Variants in CNOT4 observed in about 807,000 individuals in gnomAD.
The protein encoded by CNOT4 is CCR4-associated factor 4.
A neutral mutation model predicts 73.8 loss-of-function variants in CNOT4; 8 were observed. The observed-to-expected ratio is 0.11, with a 90% CI of 0.06 to 0.20. The LOEUF (loss-of-function observed/expected upper bound fraction) is 0.20, where lower values mean the gene tolerates loss of function less well. Among genes scored for constraint, CNOT4 ranks in the 10% least tolerant of loss-of-function variants. The pLI is 1.00. For synonymous variants in CNOT4, 293 were observed against 321.1 expected, an observed-to-expected ratio of 0.91 and a Z score of 0.94; for missense variants, 564 against 883.4, an observed-to-expected ratio of 0.64 and a Z score of 4.58.
Position 135,414,381 on chromosome 7 carries a change from T to G in CNOT4, c.511A>C (p.Arg171=). ...ACATTGTTGACACACTGTATGGCTC[T>G]GAGAGCGTCTTCTGACCGGATATAG... is the stretch of plus-strand genomic sequence containing the variant. ...VTYIRSEDAL[R]AIQCVNNVVV... The change falls in exon 5 of 12, where the codon AGA becomes CGA. Residue 171 remains arginine, a synonymous_variant. Coordinates refer to ENST00000541284, the MANE Select transcript of CNOT4 (RefSeq NM_001190850.2). 1.3e-6 allele frequency: 2 copies of G among 1,566,744 alleles called. No individual in the cohort carries two copies. The highest frequency in any genetic ancestry group is 1.8e-6 in the Non-Finnish European group (2 of 1,138,434).
At chr7:135,418,123 T>C (rs1189298155) in intron 3 of CNOT4, among the ~76,000 whole-genome samples, 1 of 152,188 alleles carries the variant, frequency 6.6e-6, no homozygotes. Context: ...CAAAAAGAAT[T>C]ACACGGATTT....
chr7:135,463,076 C>T (rs1386133030), intron 1 of CNOT4, among the ~76,000 whole-genome samples: 3 of 152,170 alleles, frequency 2.0e-5, no homozygotes, highest in Non-Finnish European at 2.9e-5. Flanking sequence ...TATTCTGTTC[C>T]ATTGGTCTAT....
At chr7:135,504,462 A>ATTTTTTTTTTTT (rs34100799) in intron 1 of CNOT4, among the ~76,000 whole-genome samples, 7 of 55,942 alleles carry the variant, frequency 1.3e-4, no homozygotes, top group Non-Finnish European at 1.2e-4. Context: ...CATCCGGCTA[A>ATTTTTTTTTTTT]TTTTTTTTTT....
intron 1 of CNOT4, among the ~76,000 whole-genome samples, chr7:135,488,077 A>C (rs984971671): frequency 6.6e-6 from 1 of 152,150 alleles, no homozygotes; most frequent in African/African-American, 2.4e-5. Context: ...TCAAAGAAGA[A>C]AAAAAAGAAA....
intron 10 of CNOT4, chr7:135,388,060 A>T: frequency 1.0e-6 from 1 of 985,444 alleles, no homozygotes; most frequent in African/African-American, 1.7e-5. Context: ...AGATAAGTCA[A>T]CTATAAACTG....
chr7:135,412,951 T>A (rs1797659064), intron 6 of CNOT4, among the ~76,000 whole-genome samples: 1 of 152,044 alleles, frequency 6.6e-6, no homozygotes, highest in East Asian at 1.9e-4. Flanking sequence ...AAGCCTTCAA[T>A]TCACCCTTTA....
At position 135,498,432 on chromosome 7, in the gene CNOT4, G is replaced by A. The variant is rs547349595; in HGVS notation, c.-93+11457C>T. Among the ~76,000 whole-genome samples the A allele has an allele frequency of 2.0e-5, 3 of 152,258 alleles. No individual in the cohort carries two copies. In the East Asian group the frequency reaches 5.8e-4, roughly 29 times the overall value. On this transcript the variant is annotated intron_variant, in intron 1 of 11. Coordinates refer to ENST00000541284, the MANE Select transcript of CNOT4 (RefSeq NM_001190850.2). ...TGCTAGGCATGACAAAGAATATATG[G>A]TGACACAGGTCTAACTTGTGTTCTT...
intron 1 of CNOT4, among the ~76,000 whole-genome samples, chr7:135,492,020 T>C (rs1337785111): frequency 6.6e-6 from 1 of 152,156 alleles, no homozygotes; most frequent in Non-Finnish European, 1.5e-5. Flanking sequence ...AATACATACA[T>C]GTGGTGGCAG....
At chr7:135,383,611 T>C (rs1795960353) in intron 10 of CNOT4, among the ~76,000 whole-genome samples, 1 of 152,206 alleles carries the variant, frequency 6.6e-6, no homozygotes, top group African/African-American at 2.4e-5. Flanking sequence ...CCTACACTCA[T>C]GAAAAGACTG....
At chr7:135,467,140 C>T (rs1011462765) in intron 1 of CNOT4, among the ~76,000 whole-genome samples, 20 of 152,244 alleles carry the variant, frequency 1.3e-4, no homozygotes, top group African/African-American at 4.8e-4. Context: ...TACTATGTAT[C>T]AGACATAATA....
At chr7:135,432,681 C>T (rs1035715162) in intron 2 of CNOT4, among the ~76,000 whole-genome samples, 13 of 152,040 alleles carry the variant, frequency 8.6e-5, no homozygotes, top group Admixed American at 5.2e-4. Flanking sequence ...TTCTTTATTC[C>T]TTCATGTTGG....
At chr7:135,472,999 C>T (rs1801736923) in intron 1 of CNOT4, among the ~76,000 whole-genome samples, 1 of 151,808 alleles carries the variant, frequency 6.6e-6, no homozygotes, top group South Asian at 2.1e-4. Context: ...TATGATCATG[C>T]CACTACACTC....
At chr7:135,481,428 G>T (rs1049687649) in intron 1 of CNOT4, among the ~76,000 whole-genome samples, 2 of 151,860 alleles carry the variant, frequency 1.3e-5, no homozygotes, top group African/African-American at 4.8e-5. Context: ...TAAAACACAC[G>T]GACACACACA....
chr7:135,471,657 G>T (rs1454944579), intron 1 of CNOT4, among the ~76,000 whole-genome samples: 1 of 152,152 alleles, frequency 6.6e-6, no homozygotes, highest in African/African-American at 2.4e-5. Context: ...TTATCAGCTG[G>T]TCGGAGATAA....
chr7:135,426,503 T>A (rs1228624781), intron 2 of CNOT4, among the ~76,000 whole-genome samples: 3 of 149,526 alleles, frequency 2.0e-5, no homozygotes, highest in Non-Finnish European at 1.5e-5. Context: ...CTCAGAAGGC[T>A]GGAGCAGGAG....
intron 1 of CNOT4, among the ~76,000 whole-genome samples, chr7:135,498,074 G>A (rs1184564147): frequency 6.6e-6 from 1 of 152,074 alleles, no homozygotes; most frequent in African/African-American, 2.4e-5. Flanking sequence ...AGGAAGCTGA[G>A]TCCCAAAGAC....
intron 1 of CNOT4, among the ~76,000 whole-genome samples, chr7:135,459,822 T>A (rs1800764315): frequency 6.6e-6 from 1 of 152,200 alleles, no homozygotes; most frequent in Non-Finnish European, 1.5e-5. Flanking sequence ...GACTTCTCCT[T>A]TCTAGTAATC....
Position 135,467,629 on chromosome 7 carries a change from C to T in CNOT4, c.-92-29206G>A, listed in dbSNP as rs187978525. 5.8e-4 allele frequency among the ~76,000 whole-genome samples: 88 copies of T among 151,992 alleles called. 1 individual carries two copies. Among genetic ancestry groups the T allele is most frequent in the African/African-American group, 8.2e-4 (34 of 41,374 alleles). ...TTAAGAGATTGGAGCAAAAGGCTCTCGAGCCCAGGGGTTTGAGGATGCAAT... is the reference window on the plus strand; with the variant it reads ...TTAAGAGATTGGAGCAAAAGGCTCTTGAGCCCAGGGGTTTGAGGATGCAAT... On this transcript the variant is annotated intron_variant, in intron 1 of 11. Transcript: ENST00000541284.
chr7:135,387,756 G>GTT (rs1796193907), intron 10 of CNOT4: 1 of 977,962 alleles, frequency 1.0e-6, no homozygotes, highest in African/African-American at 1.8e-5. Context: ...CAAGAAATGT[G>GTT]TTTTCAGAAA....
Sources: allele counts gnomAD v4.1 joint callset (sites outside exome capture counted in the v4.1 genomes callset), GRCh38; gene constraint gnomAD v4.1.1; transcripts MANE v1.5; gene names NCBI Gene and HGNC (gene_info 2026-07-23, HGNC 2026-07-21).